The following CAMTA1 variants were observed in gnomAD, a reference collection of about 807,000 sequenced individuals.
CAMTA1 encodes the protein calmodulin-binding transcription activator 1.
A neutral mutation model predicts 170.9 loss-of-function variants in CAMTA1; 27 were observed. The ratio of observed to expected loss-of-function variants is 0.16; its 90% CI spans 0.12 to 0.22. The LOEUF is 0.22. Ranked by LOEUF, CAMTA1 falls within the 10% of genes least tolerant of loss-of-function variation. The probability of loss-of-function intolerance (pLI) is 1.00; values close to 1 mark genes in which losing one functional copy is unlikely to be tolerated. For synonymous variants in CAMTA1, 833 were observed against 891.5 expected, an observed-to-expected ratio of 0.93 and a Z score of 1.17; for missense variants, 1,619 against 2,217.2, an observed-to-expected ratio of 0.73 and a Z score of 5.42.
intron 3 of CAMTA1, among the ~76,000 whole-genome samples, chr1:6,862,789 C>T (rs990953511): frequency 6.6e-6 from 1 of 152,190 alleles, no homozygotes; most frequent in Non-Finnish European, 1.5e-5. Flanking sequence ...GACCCTGGGC[C>T]TTCTGTCTGT....
At chr1:7,078,357 T>C (rs1558064434) in intron 3 of CAMTA1, among the ~76,000 whole-genome samples, 2 of 152,244 alleles carry the variant, frequency 1.3e-5, no homozygotes, top group Non-Finnish European at 2.9e-5. Context: ...TGCATCTTCA[T>C]CTGGGGGTAG....
chr1:7,455,253 A>T lies in CAMTA1; in HGVS notation c.439-12577A>T, dbSNP rs990498433. ...ATGGTTCTGCGTGTGTGTTTCCGAC[A>T]CTGGCTCCCAGGTGGAAGGCCTGAT... On this transcript the variant is annotated intron_variant, in intron 5 of 22. Coordinates refer to ENST00000303635, the MANE Select transcript of CAMTA1 (RefSeq NM_015215.4). This position sits in a 1 kb window ranked among gnomAD's most constrained non-coding sequence, Gnocchi z 5.0. Among the ~76,000 whole-genome samples, 1 of 152,178 alleles carries T rather than the reference A, an allele frequency of 6.6e-6. No homozygotes were observed. The highest frequency in any genetic ancestry group is 2.1e-4 in the South Asian group (1 of 4,824).
At chr1:7,549,296 G>A (rs963194549) in intron 6 of CAMTA1, among the ~76,000 whole-genome samples, 5 of 151,946 alleles carry the variant, frequency 3.3e-5, no homozygotes, top group Admixed American at 2.0e-4. Flanking sequence ...AGATGCCCGT[G>A]GAGGGTGTTT....
intron 3 of CAMTA1, among the ~76,000 whole-genome samples, chr1:7,024,159 A>G (rs780034326): frequency 4.9e-4 from 75 of 152,344 alleles, no homozygotes; most frequent in Non-Finnish European, 9.1e-4. Flanking sequence ...GGTCCAGCAC[A>G]TATCTAATGG....
At chr1:7,335,987 G>T (rs1026336807) in intron 5 of CAMTA1, among the ~76,000 whole-genome samples, 2 of 152,192 alleles carry the variant, frequency 1.3e-5, no homozygotes, top group East Asian at 3.8e-4. Context: ...CTGGAAACCG[G>T]CTTTCCTGCC....
intron 4 of CAMTA1, among the ~76,000 whole-genome samples, chr1:7,128,456 G>A (rs1391720855): frequency 6.6e-6 from 1 of 152,144 alleles, no homozygotes; most frequent in African/African-American, 2.4e-5. Context: ...AAGCATCCTT[G>A]GCAAATCCAA....
chr1:7,094,153 C>G (rs552050841), intron 4 of CAMTA1, among the ~76,000 whole-genome samples: 1 of 152,292 alleles, frequency 6.6e-6, no homozygotes, highest in East Asian at 1.9e-4. Flanking sequence ...ATTATAATAT[C>G]CACTCCATGT....
At chr1:7,269,105 A>G (rs1052353465) in intron 5 of CAMTA1, among the ~76,000 whole-genome samples, 9 of 152,246 alleles carry the variant, frequency 5.9e-5, no homozygotes, top group South Asian at 2.1e-4. Flanking sequence ...AGGGTCAGGA[A>G]TCCAGACATG....
intron 4 of CAMTA1, among the ~76,000 whole-genome samples, chr1:7,177,239 G>A (rs753725400): frequency 6.7e-6 from 1 of 150,102 alleles, no homozygotes; most frequent in African/African-American, 2.5e-5. Flanking sequence ...CCCACACACC[G>A]AGTCCCCTCC....
At chr1:7,208,948 G>A (rs1368787773) in intron 4 of CAMTA1, among the ~76,000 whole-genome samples, 1 of 152,160 alleles carries the variant, frequency 6.6e-6, no homozygotes, top group African/African-American at 2.4e-5. Flanking sequence ...CTGGCATGGG[G>A]CTGTGGTTGA....
intron 3 of CAMTA1, among the ~76,000 whole-genome samples, chr1:6,942,625 C>T (rs1424543892): frequency 2.0e-5 from 3 of 152,192 alleles, no homozygotes; most frequent in Non-Finnish European, 2.9e-5. Context: ...TGCCATTGCA[C>T]TCCAGCCTGG....
chr1:6,854,097 A>G (rs927178460), intron 3 of CAMTA1, among the ~76,000 whole-genome samples: 17 of 152,228 alleles, frequency 1.1e-4, no homozygotes, highest in African/African-American at 3.9e-4. Flanking sequence ...TAGACGTACT[A>G]CTGTCCTGTG....
chr1:7,118,634 A>G (rs1298362160), intron 4 of CAMTA1, among the ~76,000 whole-genome samples: 2 of 152,046 alleles, frequency 1.3e-5, no homozygotes, highest in African/African-American at 4.8e-5. Flanking sequence ...GGAGTCAGAA[A>G]TGTTTATGAC....
intron 5 of CAMTA1, among the ~76,000 whole-genome samples, chr1:7,344,754 T>TA (rs1574824408): frequency 6.6e-6 from 1 of 151,304 alleles, no homozygotes; most frequent in East Asian, 1.9e-4. Context: ...AAGTCTTTTT[T>TA]TTTTTTTCTT....
At chr1:7,437,434 G>C (rs763725153) in intron 5 of CAMTA1, among the ~76,000 whole-genome samples, 3 of 152,142 alleles carry the variant, frequency 2.0e-5, no homozygotes, top group Non-Finnish European at 4.4e-5. Flanking sequence ...TCTGAGCTCT[G>C]CCCTCATGTT....
At chr1:7,317,542 C>T (rs1677709898) in intron 5 of CAMTA1, among the ~76,000 whole-genome samples, 1 of 152,218 alleles carries the variant, frequency 6.6e-6, no homozygotes, top group Non-Finnish European at 1.5e-5. Flanking sequence ...AGCAAAATTC[C>T]CAATCAAAGG....
intron 5 of CAMTA1, among the ~76,000 whole-genome samples, chr1:7,257,073 T>TGGC (rs1553291525): frequency 5.7e-5 from 4 of 69,672 alleles, no homozygotes; most frequent in Admixed American, 1.3e-4. Flanking sequence ...TACCATCGCA[T>TGGC]GGCGGGGGCG....
chr1:7,710,404 C>T (rs775212517), intron 11 of CAMTA1, among the ~76,000 whole-genome samples: 4 of 151,896 alleles, frequency 2.6e-5, no homozygotes, highest in Admixed American at 2.6e-4. Flanking sequence ...CTGAGACTAG[C>T]CTAGGCAACA....
intron 3 of CAMTA1, among the ~76,000 whole-genome samples, chr1:6,888,468 G>T (rs1054744843): frequency 2.6e-5 from 4 of 152,146 alleles, no homozygotes; most frequent in African/African-American, 9.7e-5. Context: ...AGAAACATGA[G>T]TCATGTCTCT....
Sources: allele counts gnomAD v4.1 joint callset (sites outside exome capture counted in the v4.1 genomes callset), GRCh38; gene constraint gnomAD v4.1.1; non-coding constraint Gnocchi (gnomAD v3.1); transcripts MANE v1.5; gene names NCBI Gene and HGNC (gene_info 2026-07-23, HGNC 2026-07-21).